The following YAP1 variants were observed in gnomAD, a reference collection of about 807,000 sequenced individuals.
The protein encoded by YAP1 is Yes1 associated transcriptional regulator.
In YAP1, 5 loss-of-function variants were observed where a neutral mutation model predicts 56.9. That is an observed-to-expected ratio of 0.09 (90% CI 0.05 to 0.18). YAP1 has a LOEUF of 0.18. YAP1 is among the 10% of genes least tolerant of loss of function. YAP1 has a pLI of 1.00. For missense variants in YAP1, 539 were observed against 651.8 expected (o/e 0.83, Z 1.88); for synonymous variants, 265 against 248.1 (o/e 1.07, Z -0.64).
intron 2 of YAP1, among the ~76,000 whole-genome samples, chr11:102,139,201 AG>A (rs1340028375): frequency 2.0e-5 from 3 of 150,960 alleles, no homozygotes; most frequent in Non-Finnish European, 3.0e-5. Flanking sequence ...CATGATTAGC[AG>A]GATATTCCTA....
At chr11:102,164,021 C>T (rs1167751290) in intron 3 of YAP1, among the ~76,000 whole-genome samples, 1 of 151,706 alleles carries the variant, frequency 6.6e-6, no homozygotes, top group African/African-American at 2.4e-5. Context: ...TTATATGTGA[C>T]ACTTAAGTAA....
In YAP1 at chr11:102,230,247, C is replaced by A. The variant is rs1225081644; in HGVS notation, c.*307C>A. The A allele has an allele frequency of 8.4e-6, 2 of 238,462 alleles. No individual in the cohort carries two copies. Among genetic ancestry groups the A allele is most frequent in the African/African-American group, 4.5e-5 (2 of 44,256 alleles). The allele number at this position is 238,462 out of a possible 1,614,324, so 14.8% of individuals were successfully genotyped here. ...GCCTGTTTGGATGATGGATGCCATT[C>A]CTTTTGCCCAGTTAAATGTTCACCA... On this transcript the variant is annotated 3_prime_UTR_variant, in exon 9 of 9. Transcript: ENST00000282441.
Position 102,181,740 on chromosome 11 carries a change from G to C in YAP1, c.689-4278G>C, listed in dbSNP as rs565461988. On this transcript the variant is annotated intron_variant, in intron 3 of 8. Transcript: ENST00000282441. ...ATCTCCAAACTGCCTAAAATGAATAGATGTGGTTGTGTATAACTCAGATAA... is the reference window on the plus strand; with the variant it reads ...ATCTCCAAACTGCCTAAAATGAATACATGTGGTTGTGTATAACTCAGATAA... Among the ~76,000 whole-genome samples, 10 of 152,340 alleles carry C rather than the reference G, an allele frequency of 6.6e-5. No individual in the cohort carries two copies. In the South Asian group the frequency reaches 1.9e-3, roughly 28 times the overall value.
intron 2 of YAP1, among the ~76,000 whole-genome samples, chr11:102,141,568 C>A (rs1423330596): frequency 1.3e-5 from 2 of 152,174 alleles, no homozygotes; most frequent in African/African-American, 4.8e-5. Context: ...TGTTGGAATT[C>A]TTGGAGAAGT....
intron 2 of YAP1, among the ~76,000 whole-genome samples, chr11:102,129,379 G>T (rs924616004): frequency 1.3e-5 from 2 of 152,056 alleles, no homozygotes; most frequent in Non-Finnish European, 2.9e-5. Flanking sequence ...CCAGCACTTT[G>T]GGAGGCTGAG....
At chr11:102,203,802 C>G (rs1948995295) in intron 4 of YAP1, among the ~76,000 whole-genome samples, 1 of 151,974 alleles carries the variant, frequency 6.6e-6, no homozygotes, top group African/African-American at 2.4e-5. Context: ...TATACTATTT[C>G]AAAACATGTG....
At chr11:102,119,142 T>G (rs1301686924) in intron 2 of YAP1, among the ~76,000 whole-genome samples, 3 of 149,500 alleles carry the variant, frequency 2.0e-5, no homozygotes, top group African/African-American at 7.4e-5. Flanking sequence ...CTCTGGGGGG[T>G]GGGGGAGAGC....
chr11:102,117,644 G>T (rs191317963), intron 2 of YAP1, among the ~76,000 whole-genome samples: 1 of 152,300 alleles, frequency 6.6e-6, no homozygotes, highest in East Asian at 1.9e-4. Context: ...CCTTAGGTCA[G>T]TGAGATCTTG....
At chr11:102,214,631 A>G (rs1464071346) in intron 6 of YAP1, among the ~76,000 whole-genome samples, 1 of 152,218 alleles carries the variant, frequency 6.6e-6, no homozygotes, top group Non-Finnish European at 1.5e-5. Flanking sequence ...TAAATAAATC[A>G]TAGATTTATT....
chr11:102,155,022 G>A (rs1383661400), intron 2 of YAP1, among the ~76,000 whole-genome samples: 1 of 152,138 alleles, frequency 6.6e-6, no homozygotes, highest in Non-Finnish European at 1.5e-5. Context: ...ATTTGTTCCT[G>A]TTTAATGGTG....
At chr11:102,142,753 A>G (rs1338897178) in intron 2 of YAP1, among the ~76,000 whole-genome samples, 1 of 151,920 alleles carries the variant, frequency 6.6e-6, no homozygotes, top group Non-Finnish European at 1.5e-5. Flanking sequence ...AAAACTTAGA[A>G]TTTTTTTTTA....
chr11:102,176,159 G>A (rs1947236371), intron 3 of YAP1, among the ~76,000 whole-genome samples: 1 of 152,128 alleles, frequency 6.6e-6, no homozygotes, highest in Non-Finnish European at 1.5e-5. Context: ...TACTAACAAG[G>A]CAGTGGTTTC....
rs76147588 is a variant in YAP1 at position 102,191,452 on chromosome 11, T to C, written c.802+5321T>C. 3.3e-5 allele frequency among the ~76,000 whole-genome samples: 5 copies of C among 152,170 alleles called. No homozygotes were observed. The East Asian group carries it at 9.7e-4, about 30-fold the overall frequency. ...CAGGGAAATTATACCCAAGGTTATATAGTTAAATGGCAAAACTGAAATTTG... is the reference window on the plus strand; with the variant it reads ...CAGGGAAATTATACCCAAGGTTATACAGTTAAATGGCAAAACTGAAATTTG... On this transcript the variant is annotated intron_variant, in intron 4 of 8. Coordinates refer to ENST00000282441, the MANE Select transcript of YAP1 (RefSeq NM_001130145.3).
chr11:102,122,987 C>G (rs978802654), intron 2 of YAP1, among the ~76,000 whole-genome samples: 1 of 150,982 alleles, frequency 6.6e-6, no homozygotes, highest in African/African-American at 2.4e-5. Context: ...GAGGCAAGCA[C>G]TTTCCACTCC....
At chr11:102,190,991 T>C (rs925385549) in intron 4 of YAP1, among the ~76,000 whole-genome samples, 1 of 151,882 alleles carries the variant, frequency 6.6e-6, no homozygotes, top group Non-Finnish European at 1.5e-5. Context: ...CTGGCCAACA[T>C]GGTGACACCC....
intron 2 of YAP1, among the ~76,000 whole-genome samples, chr11:102,115,295 C>T (rs1330116602): frequency 6.6e-6 from 1 of 152,088 alleles, no homozygotes; most frequent in African/African-American, 2.4e-5. Flanking sequence ...AGTGTTTAAT[C>T]AGGTTGAGAT....
intron 2 of YAP1, among the ~76,000 whole-genome samples, chr11:102,120,824 T>C (rs1019437518): frequency 1.3e-5 from 2 of 151,948 alleles, no homozygotes; most frequent in African/African-American, 4.9e-5. Context: ...TACTGTGTGC[T>C]TTGACAAAAT....
chr11:102,174,370 G>T (rs1256532133), intron 3 of YAP1, among the ~76,000 whole-genome samples: 1 of 152,016 alleles, frequency 6.6e-6, no homozygotes, highest in East Asian at 1.9e-4. Context: ...AGGCCAACGC[G>T]GGCAGATCAT....
chr11:102,118,185 A>G (rs534695268), intron 2 of YAP1, among the ~76,000 whole-genome samples: 2 of 152,186 alleles, frequency 1.3e-5, no homozygotes, highest in African/African-American at 4.8e-5. Flanking sequence ...TGTTTTAATA[A>G]TGTTCTAATA....
Sources: allele counts gnomAD v4.1 joint callset (sites outside exome capture counted in the v4.1 genomes callset), GRCh38; gene constraint gnomAD v4.1.1; transcripts MANE v1.5; gene names NCBI Gene and HGNC (gene_info 2026-07-23, HGNC 2026-07-21).